MOB2: variants seen among roughly 807,000 people sequenced by gnomAD.
The protein encoded by MOB2 is MOB kinase activator 2.
A neutral mutation model predicts 27.4 loss-of-function variants in MOB2; 14 were observed. The ratio of observed to expected loss-of-function variants is 0.51; its 90% CI spans 0.34 to 0.80. MOB2 has a LOEUF of 0.80. Among genes scored for constraint, MOB2 ranks in the 30% least tolerant of loss-of-function variants. The pLI is 0.01. For missense variants in MOB2, 304 were observed against 354.6 expected (o/e 0.86, Z 1.15); for synonymous variants, 167 against 151.8 (o/e 1.10, Z -0.74).
At chr11:1,486,134 C>T (rs1383301857) in intron 1 of MOB2, among the ~76,000 whole-genome samples, 1 of 152,226 alleles carries the variant, frequency 6.6e-6, no homozygotes, top group East Asian at 1.9e-4. Context: ...GTGGGGTCAA[C>T]CCCGAAGGTC....
chr11:1,481,191 G>C (rs1488556260), intron 1 of MOB2: 1 of 496,900 alleles, frequency 2.0e-6, no homozygotes, highest in Non-Finnish European at 3.8e-6. Context: ...CCAGGGAGGG[G>C]CCCAGGGTTT....
intron 4 of MOB2, 145 bp downstream of exon 4, chr11:1,471,150 A>C (rs1482348689): frequency 1.7e-6 from 2 of 1,177,772 alleles, no homozygotes; most frequent in Admixed American, 5.5e-5. Context: ...AGGTGGCTCC[A>C]TGCTAAGCAG....
At chr11:1,475,363 G>A (rs1290224761) in intron 3 of MOB2, among the ~76,000 whole-genome samples, 7 of 152,158 alleles carry the variant, frequency 4.6e-5, no homozygotes, top group African/African-American at 1.7e-4. Flanking sequence ...ATCCACAGGG[G>A]ATGCACTGCA....
intron 2 of MOB2, 45 bp from the exon 3 acceptor site, chr11:1,480,531 G>T (rs375087804): frequency 6.3e-7 from 1 of 1,597,182 alleles, no homozygotes; most frequent in Non-Finnish European, 8.6e-7. Flanking sequence ...CGCCAGAGCT[G>T]AGCCGCCCCG....
At chr11:1,475,827 GAA>G (rs1847847026) in intron 3 of MOB2, among the ~76,000 whole-genome samples, 1 of 152,184 alleles carries the variant, frequency 6.6e-6, no homozygotes. Context: ...ATTTCATAAA[GAA>G]GAGATTTGTT....
chr11:1,471,383 G>A lies in MOB2; in HGVS notation c.402C>T (p.Val134=). The A allele has an allele frequency of 1.2e-6, 2 of 1,613,526 alleles. No homozygotes were observed. The highest frequency in any genetic ancestry group is 1.7e-6 in the Non-Finnish European group (2 of 1,179,790). ...CAACGTACTGTGGGGCCGTGCACTT[G>A]ACCTTCTTCCCCCGCTCGTCATACC... ...YYWYDERGKK[V]KCTAPQYVDF... Residue 134 remains valine, a synonymous_variant, in exon 4 of 5, where the codon GTC becomes GTT. Transcript: ENST00000329957.
chr11:1,473,077 G>C (rs1847813129), intron 3 of MOB2: 2 of 152,982 alleles, frequency 1.3e-5, no homozygotes, highest in African/African-American at 4.8e-5. Context: ...AGGGCCCTAG[G>C]ACAACCCCCT....
intron 1 of MOB2, among the ~76,000 whole-genome samples, chr11:1,486,166 T>C (rs1007346952): frequency 6.6e-6 from 1 of 152,154 alleles, no homozygotes; most frequent in Non-Finnish European, 1.5e-5. Flanking sequence ...GACCCGCTCC[T>C]CTCCCACAGA....
chr11:1,486,470 AAG>A lies in MOB2; in HGVS notation c.85_86del (p.Leu29SerfsTer15). On this transcript the variant is annotated frameshift_variant, in exon 1 of 5. Transcript: ENST00000329957. LOFTEE classifies it high-confidence loss of function. ...ACCTGAGCACTTTGCTGACAGCCTGAAGCACCATTTTGCAGCAGAGTCCACTT... is the reference window on the plus strand; with the variant it reads ...ACCTGAGCACTTTGCTGACAGCCTGACACCATTTTGCAGCAGAGTCCACTT... ...LQSGLCCKMVLQAVSKVLRKS... is the reference protein window; with the variant it reads ...LQSGLCCKMVXQAVSKVLRKS... The A allele has an allele frequency of 6.5e-7, 1 of 1,535,850 alleles. No individual in the cohort carries two copies.
At chr11:1,473,456 G>C (rs2133359360) in intron 3 of MOB2, 1 of 152,368 alleles carries the variant, frequency 6.6e-6, no homozygotes, top group African/African-American at 2.4e-5. Context: ...TAAGGGCCAG[G>C]CTGAGGCCCA....
chr11:1,477,885 T>C (rs1847869681), intron 3 of MOB2, among the ~76,000 whole-genome samples: 2 of 152,260 alleles, frequency 1.3e-5, no homozygotes, highest in African/African-American at 4.8e-5. Context: ...GTTCATCTGT[T>C]AGCATTTAGG....
intron 1 of MOB2, among the ~76,000 whole-genome samples, chr11:1,482,549 G>A (rs1165363600): frequency 1.3e-5 from 2 of 152,156 alleles, no homozygotes; most frequent in Admixed American, 6.5e-5. Context: ...GCCTCTTCCC[G>A]TCCACACCTG....
chr11:1,480,489 G>A lies in MOB2; in HGVS notation c.272-3C>T. On this transcript the variant is annotated splice_polypyrimidine_tract_variant and splice_region_variant and intron_variant, in intron 2 of 4. Coordinates refer to ENST00000329957, the MANE Select transcript of MOB2 (RefSeq NM_001172223.3). Reference sequence around the variant, plus strand: ...GATGTGGTGGAAAAACGTCGTGGCTGGAAGAGAAGAGAAGGAGCCAGATGT... The same window carrying A: ...GATGTGGTGGAAAAACGTCGTGGCTAGAAGAGAAGAGAAGGAGCCAGATGT... The A allele has an allele frequency of 6.2e-7, 1 of 1,613,630 alleles. No individual in the cohort carries two copies. The highest frequency in any genetic ancestry group is 8.5e-7 in the Non-Finnish European group (1 of 1,179,728).
chr11:1,482,819 C>T (rs1488892814), intron 1 of MOB2, among the ~76,000 whole-genome samples: 1 of 152,240 alleles, frequency 6.6e-6, no homozygotes, highest in African/African-American at 2.4e-5. Context: ...CCAGGAACGG[C>T]TGTGCGGGCA....
intron 3 of MOB2, among the ~76,000 whole-genome samples, chr11:1,473,783 C>A (rs115829285): frequency 6.6e-6 from 1 of 152,212 alleles, no homozygotes; most frequent in Non-Finnish European, 1.5e-5. Context: ...TGTGGACTCA[C>A]GCATTCATAA....
chr11:1,474,790 T>C (rs1564909261), intron 3 of MOB2, among the ~76,000 whole-genome samples: 1 of 152,262 alleles, frequency 6.6e-6, no homozygotes, highest in African/African-American at 2.4e-5. Context: ...TGGACTCTAC[T>C]GTGTTCCATG....
At chr11:1,481,965 C>A (rs1847920700) in intron 1 of MOB2, among the ~76,000 whole-genome samples, 1 of 152,238 alleles carries the variant, frequency 6.6e-6, no homozygotes, top group Admixed American at 6.5e-5. Flanking sequence ...CCCAGCACAG[C>A]GAGGCACCCA....
intron 1 of MOB2, chr11:1,481,155 T>C: frequency 1.7e-6 from 1 of 595,154 alleles, no homozygotes; most frequent in Non-Finnish European, 3.1e-6. Context: ...ACGGAGGGCA[T>C]CCTCACCCCT....
At chr11:1,485,960 C>T (rs762608522) in intron 1 of MOB2, among the ~76,000 whole-genome samples, 14 of 151,744 alleles carry the variant, frequency 9.2e-5, no homozygotes, top group African/African-American at 3.4e-4. Context: ...CTGGACAAGG[C>T]CACACAAGGA....
Sources: gnomAD v4.1 joint callset for allele counts (sites outside exome capture counted in the v4.1 genomes callset) on GRCh38, gnomAD v4.1.1 for gene constraint, MANE v1.5 for transcripts, NCBI Gene and HGNC (gene_info 2026-07-23, HGNC 2026-07-21) for gene names.